XKR4: variants seen among roughly 807,000 people sequenced by gnomAD.
The protein encoded by XKR4 is XK related 4.
In XKR4, 12 loss-of-function variants were observed where a neutral mutation model predicts 53.9. The observed-to-expected ratio is 0.22, with a 90% CI of 0.14 to 0.36. XKR4 has a LOEUF of 0.36. Ranked by LOEUF, XKR4 falls within the 10% of genes least tolerant of loss-of-function variation. XKR4 has a pLI of 1.00. For synonymous variants in XKR4, 354 were observed against 362.4 expected, an observed-to-expected ratio of 0.98 and a Z score of 0.26; for missense variants, 799 against 859.5, an observed-to-expected ratio of 0.93 and a Z score of 0.88.
Position 55,366,822 on chromosome 8 carries a change from G to T in XKR4, c.1006+8945G>T, listed in dbSNP as rs115262504. ...GAATTACCCTCTCTCTCCCTATTCT[G>T]CATTATCAGTTTTTCCTCACTCCTG... On this transcript the variant is annotated intron_variant, in intron 2 of 2. Coordinates refer to ENST00000327381, the MANE Select transcript of XKR4 (RefSeq NM_052898.2). Among the ~76,000 whole-genome samples, 1,358 of 152,036 alleles carry T rather than the reference G, an allele frequency of 8.9e-3. 26 individuals carry two copies. The highest frequency in any genetic ancestry group is 0.03 in the African/African-American group (1,250 of 41,480).
intron 1 of XKR4, among the ~76,000 whole-genome samples, chr8:55,254,128 C>A (rs1429917409): frequency 6.6e-6 from 1 of 151,922 alleles, no homozygotes; most frequent in Non-Finnish European, 1.5e-5. Context: ...GTTACATTCA[C>A]ATAGATTAAT....
intron 1 of XKR4, among the ~76,000 whole-genome samples, chr8:55,240,214 A>G (rs778801287): frequency 6.6e-6 from 1 of 152,200 alleles, no homozygotes; most frequent in Non-Finnish European, 1.5e-5. Flanking sequence ...CAATTAGAAT[A>G]CATTTATGAA....
chr8:55,300,917 T>G (rs1819184381), intron 1 of XKR4, among the ~76,000 whole-genome samples: 2 of 152,146 alleles, frequency 1.3e-5, no homozygotes, highest in Admixed American at 1.3e-4. Flanking sequence ...TATATTTTAA[T>G]TTAAGAATAA....
intron 2 of XKR4, among the ~76,000 whole-genome samples, chr8:55,359,188 C>T (rs928301798): frequency 3.9e-5 from 6 of 152,140 alleles, no homozygotes; most frequent in South Asian, 2.1e-4. Flanking sequence ...GGCAGAAGGC[C>T]GTGTGAATTA....
chr8:55,142,056 C>T (rs1242137498), intron 1 of XKR4: 6 of 455,600 alleles, frequency 1.3e-5, no homozygotes, highest in Non-Finnish European at 2.6e-5. Flanking sequence ...CCACCCCCAA[C>T]AGCCTTGCAG....
At position 55,320,350 on chromosome 8, in the gene XKR4, C is replaced by G. The variant is rs185268813; in HGVS notation, c.807-37328C>G. 9.1e-4 allele frequency among the ~76,000 whole-genome samples: 139 copies of G among 152,246 alleles called. 1 individual carries two copies. Among genetic ancestry groups the G allele is most frequent in the African/African-American group, 3.2e-3 (133 of 41,526 alleles). ...TAATATGTAGGAGTTAAAGTACTTA[C>G]CTACCCTTAACTTCCTATCTGAAGG... On this transcript the variant is annotated intron_variant, in intron 1 of 2. Coordinates refer to ENST00000327381, the MANE Select transcript of XKR4 (RefSeq NM_052898.2).
intron 2 of XKR4, among the ~76,000 whole-genome samples, chr8:55,425,441 A>G (rs1804997909): frequency 6.6e-6 from 1 of 152,060 alleles, no homozygotes; most frequent in Admixed American, 6.5e-5. Flanking sequence ...GATGACAACT[A>G]CTACCCTCAG....
At chr8:55,365,174 T>G (rs1803959290) in intron 2 of XKR4, among the ~76,000 whole-genome samples, 1 of 152,200 alleles carries the variant, frequency 6.6e-6, no homozygotes, top group South Asian at 2.1e-4. Context: ...TGCCCTGGGA[T>G]GTGGAGCATG....
chr8:55,510,592 AG>A (rs562528006), intron 2 of XKR4, among the ~76,000 whole-genome samples: 1 of 152,206 alleles, frequency 6.6e-6, no homozygotes, highest in African/African-American at 2.4e-5. Flanking sequence ...AAAGCCCTGC[AG>A]GGCCCCAGTG....
intron 2 of XKR4, among the ~76,000 whole-genome samples, chr8:55,392,956 C>G (rs1285640481): frequency 6.6e-6 from 1 of 151,904 alleles, no homozygotes; most frequent in Non-Finnish European, 1.5e-5. Context: ...CCTGTAAGCA[C>G]TGAATGCAGG....
chr8:55,157,851 A>C (rs1585910111), intron 1 of XKR4, among the ~76,000 whole-genome samples: 1 of 151,994 alleles, frequency 6.6e-6, no homozygotes, highest in Non-Finnish European at 1.5e-5. Flanking sequence ...AAAGGACATG[A>C]TCTCTCTCTC....
intron 1 of XKR4, among the ~76,000 whole-genome samples, chr8:55,215,803 C>T (rs2129364450): frequency 6.6e-6 from 1 of 152,256 alleles, no homozygotes; most frequent in Middle Eastern, 3.4e-3. Context: ...AGTAGTAAGA[C>T]ATTAGAAATA....
intron 1 of XKR4, among the ~76,000 whole-genome samples, chr8:55,187,893 A>T (rs1817400187): frequency 6.6e-6 from 1 of 152,244 alleles, no homozygotes; most frequent in African/African-American, 2.4e-5. Context: ...TTGCATTTAA[A>T]GTGACGATTA....
intron 2 of XKR4, among the ~76,000 whole-genome samples, chr8:55,482,448 A>G (rs1247068814): frequency 6.6e-6 from 1 of 152,134 alleles, no homozygotes; most frequent in Non-Finnish European, 1.5e-5. Context: ...CTAATGCTAA[A>G]TGACGAGTTA....
Position 55,496,384 on chromosome 8 carries a change from C to CAA in XKR4, c.1007-26888_1007-26887dup, listed in dbSNP as rs59482857. Among the ~76,000 whole-genome samples the CAA allele has an allele frequency of 4.6e-4, 69 of 149,270 alleles. 1 individual carries two copies. The highest frequency in any genetic ancestry group is 1.4e-3 in the African/African-American group (56 of 40,930). ...AAACTCATATTGTGTTTCTTTAAAACAAAAAAAAAATTACCATTTGAGCCA... is the reference window on the plus strand; with the variant it reads ...AAACTCATATTGTGTTTCTTTAAAACAAAAAAAAAAAATTACCATTTGAGCCA... On this transcript the variant is annotated intron_variant, in intron 2 of 2. Coordinates refer to ENST00000327381, the MANE Select transcript of XKR4 (RefSeq NM_052898.2).
At chr8:55,386,783 C>T (rs879663482) in intron 2 of XKR4, among the ~76,000 whole-genome samples, 10 of 152,168 alleles carry the variant, frequency 6.6e-5, no homozygotes, top group Non-Finnish European at 1.3e-4. Context: ...ACAGGACTAG[C>T]TTTTCTAACA....
chr8:55,482,359 A>G (rs1170788337), intron 2 of XKR4, among the ~76,000 whole-genome samples: 2 of 152,100 alleles, frequency 1.3e-5, no homozygotes, highest in Non-Finnish European at 2.9e-5. Flanking sequence ...GAACACATGG[A>G]CACAGGAAGG....
intron 2 of XKR4, among the ~76,000 whole-genome samples, chr8:55,432,464 A>G (rs993027083): frequency 6.6e-6 from 1 of 152,176 alleles, no homozygotes; most frequent in African/African-American, 2.4e-5. Context: ...TCCTCCCTGT[A>G]TGATCCTTGC....
rs1807037516 is a variant in XKR4 at position 55,536,760 on chromosome 8, C to T, written c.*12533C>T. 1 of 152,200 alleles carries T rather than the reference C, an allele frequency of 6.6e-6. No homozygotes were observed. Among genetic ancestry groups the T allele is most frequent in the Non-Finnish European group, 1.5e-5 (1 of 68,038 alleles). The allele number at this position is 152,200 out of a possible 1,614,324, so 9.4% of individuals were successfully genotyped here. A position where few individuals can be genotyped will look rare whatever the true frequency, so the allele number is the denominator to read the frequency against. ...CAGCAAACACATGAATGAAAGAGGT[C>T]AGGTAGGCTGTCCTGGGCATTCTGG... On this transcript the variant is annotated 3_prime_UTR_variant, in exon 3 of 3. Transcript: ENST00000327381.
Sources: gnomAD v4.1 joint callset for allele counts (sites outside exome capture counted in the v4.1 genomes callset) on GRCh38, gnomAD v4.1.1 for gene constraint, MANE v1.5 for transcripts, NCBI Gene and HGNC (gene_info 2026-07-23, HGNC 2026-07-21) for gene names.